OR7E24: variants seen among roughly 807,000 people sequenced by gnomAD.
OR7E24 encodes olfactory receptor 7E24.
For missense variants in OR7E24, 385 were observed against 410.3 expected, an observed-to-expected ratio of 0.94 and a Z score of 0.53; for synonymous variants, 130 against 157.5, an observed-to-expected ratio of 0.83 and a Z score of 1.31.
chr19:9,212,880 G>A, the OR7E24 span: 1 of 152,164 alleles, frequency 6.6e-6, no homozygotes, highest in Non-Finnish European at 1.5e-5. Context: ...AGCCCTCCAA[G>A]TAGCTGGGAA....
At chr19:9,228,340 A>G in the OR7E24 span, among the ~76,000 whole-genome samples, 1 of 152,158 alleles carries the variant, frequency 6.6e-6, no homozygotes, top group Non-Finnish European at 1.5e-5. Flanking sequence ...TGTGTATTCA[A>G]ATACCTACAT....
In OR7E24 at chr19:9,251,022, A is replaced by G. The variant is rs2066143798; in HGVS notation, c.-22A>G. The G allele has an allele frequency of 1.3e-6, 2 of 1,502,848 alleles. No individual in the cohort carries two copies. The highest frequency in any genetic ancestry group is 1.4e-5 in the African/African-American group (1 of 71,408). 93.1% of individuals were successfully genotyped at this position (1,502,848 alleles called of 1,614,324 possible). On this transcript the variant is annotated 5_prime_UTR_variant, in exon 1 of 1. Transcript: ENST00000456448. ...TTGCTTGTATCCAAAATATAGACAC[A>G]GTGCTAGATGCTGGTTTACTTATGT...
chr19:9,217,393 G>C, the OR7E24 span, among the ~76,000 whole-genome samples: 1 of 152,198 alleles, frequency 6.6e-6, no homozygotes, highest in African/African-American at 2.4e-5. Context: ...AAAAAAGGTT[G>C]TTACTATTTA....
the OR7E24 span, among the ~76,000 whole-genome samples, chr19:9,221,038 G>T: frequency 3.9e-5 from 6 of 152,130 alleles, no homozygotes; most frequent in South Asian, 1.2e-3. Flanking sequence ...ACTTTGGGAG[G>T]CCTAGACGGG....
chr19:9,225,482 G>C, the OR7E24 span, among the ~76,000 whole-genome samples: 2 of 151,386 alleles, frequency 1.3e-5, no homozygotes, highest in East Asian at 3.9e-4. Flanking sequence ...AGGAAGGAAA[G>C]AAGGAAGGAA....
At chr19:9,247,304 A>G (rs955850201), upstream of OR7E24, 12 of 393,534 alleles carry the variant, frequency 3.0e-5, no homozygotes, top group Non-Finnish European at 5.4e-5. Context: ...AAGGCCCTAG[A>G]ATAGTAAATA....
At chr19:9,214,633 C>T in the OR7E24 span, 12 of 1,614,084 alleles carry the variant, frequency 7.4e-6, no homozygotes, top group Admixed American at 1.2e-4. Context: ...CAGATGTCAA[C>T]AAAGGACAGG....
At chr19:9,213,099 A>G in the OR7E24 span, 1 of 152,218 alleles carries the variant, frequency 6.6e-6, no homozygotes, top group East Asian at 1.9e-4. Context: ...ATGTAAAGCA[A>G]CAAGCACTGT....
the OR7E24 span, among the ~76,000 whole-genome samples, chr19:9,215,823 T>C: frequency 1.3e-5 from 2 of 152,258 alleles, no homozygotes; most frequent in African/African-American, 4.8e-5. Flanking sequence ...AAATATTTTC[T>C]GAAATCAGAC....
upstream of OR7E24, among the ~76,000 whole-genome samples, chr19:9,245,524 A>G (rs1247204712): frequency 6.6e-6 from 1 of 152,208 alleles, no homozygotes; most frequent in Non-Finnish European, 1.5e-5. Flanking sequence ...TAGAACTACC[A>G]TAGGATGCTG....
At chr19:9,206,814 A>C in the OR7E24 span, 1 of 152,188 alleles carries the variant, frequency 6.6e-6, no homozygotes, top group Non-Finnish European at 1.5e-5. Flanking sequence ...CTGTAAAATC[A>C]CTTTAAGCAG....
chr19:9,242,116 T>C, the OR7E24 span, among the ~76,000 whole-genome samples: 34 of 152,302 alleles, frequency 2.2e-4, no homozygotes, highest in African/African-American at 8.2e-4. Context: ...CTTGGTTGTG[T>C]TCTTGTTTCC....
the OR7E24 span, among the ~76,000 whole-genome samples, chr19:9,224,276 C>A: frequency 6.6e-6 from 1 of 152,074 alleles, no homozygotes; most frequent in Non-Finnish European, 1.5e-5. Flanking sequence ...TAGTAGGGCC[C>A]ATAGAATCAG....
At chr19:9,210,156 T>A in the OR7E24 span, 1 of 152,222 alleles carries the variant, frequency 6.6e-6, no homozygotes, top group Non-Finnish European at 1.5e-5. Flanking sequence ...TGCCCTCATA[T>A]TTACCTCAGT....
chr19:9,231,925 A>G, the OR7E24 span, among the ~76,000 whole-genome samples: 11 of 152,212 alleles, frequency 7.2e-5, no homozygotes, highest in Non-Finnish European at 1.5e-4. Context: ...TTTGATCTCA[A>G]TCTTTATTAC....
At chr19:9,216,896 C>T in the OR7E24 span, among the ~76,000 whole-genome samples, 4 of 152,108 alleles carry the variant, frequency 2.6e-5, no homozygotes, top group South Asian at 6.2e-4. Context: ...CCAGCCTGAA[C>T]TTTTGTTTTT....
At chr19:9,220,967 G>A in the OR7E24 span, among the ~76,000 whole-genome samples, 1 of 152,088 alleles carries the variant, frequency 6.6e-6, no homozygotes, top group South Asian at 2.1e-4. Context: ...GATTAGTGAA[G>A]TTAAACCTTT....
chr19:9,229,721 G>A, the OR7E24 span, among the ~76,000 whole-genome samples: 1 of 152,152 alleles, frequency 6.6e-6, no homozygotes, highest in Non-Finnish European at 1.5e-5. Flanking sequence ...TAAGGGAGCT[G>A]AATTATTTGG....
At chr19:9,236,040 G>A in the OR7E24 span, 49 of 1,607,480 alleles carry the variant, frequency 3.0e-5, no homozygotes, top group Non-Finnish European at 3.7e-5. Flanking sequence ...ATGTGAAGGG[G>A]GCCCTGGGGA....
Sources: gnomAD v4.1 joint callset for allele counts (sites outside exome capture counted in the v4.1 genomes callset) on GRCh38, gnomAD v4.1.1 for gene constraint, MANE v1.5 for transcripts, NCBI Gene and HGNC (gene_info 2026-07-23, HGNC 2026-07-21) for gene names.